FRMD3: variants seen among roughly 807,000 people sequenced by gnomAD.
FRMD3 encodes FERM domain containing 3, also known as FERM domain-containing protein 3.
FRMD3 carries 33 observed loss-of-function variants against 70.2 expected under a neutral mutation model. That is an observed-to-expected ratio of 0.47 (90% CI 0.36 to 0.63). FRMD3 has a LOEUF of 0.63. Ranked by LOEUF, FRMD3 falls within the 20% of genes least tolerant of loss-of-function variation. The pLI, the probability that FRMD3 is intolerant of heterozygous loss-of-function variation, is 0.00. For synonymous variants in FRMD3, 279 were observed against 255.9 expected (o/e 1.09, Z -0.86); for missense variants, 632 against 711.4 (o/e 0.89, Z 1.27).
chr9:83,515,003 G>C (rs575175938), intron 1 of FRMD3, among the ~76,000 whole-genome samples: 1 of 152,174 alleles, frequency 6.6e-6, no homozygotes, highest in Non-Finnish European at 1.5e-5. Context: ...CCATGAAGAA[G>C]AGGAAAAAAC....
chr9:83,338,182 G>C (rs990723573), intron 5 of FRMD3, among the ~76,000 whole-genome samples: 1 of 152,178 alleles, frequency 6.6e-6, no homozygotes, highest in African/African-American at 2.4e-5. Flanking sequence ...AATAATTAGA[G>C]ATATGCAAAC....
In FRMD3 at chr9:83,449,159, G is replaced by C. The variant is rs561038793; in HGVS notation, c.148-59451C>G. 5.9e-5 allele frequency among the ~76,000 whole-genome samples: 9 copies of C among 152,274 alleles called. No individual in the cohort carries two copies. The South Asian group carries it at 1.7e-3, about 28-fold the overall frequency. On this transcript the variant is annotated intron_variant, in intron 1 of 13. Transcript: ENST00000304195. ...TTAACAACAAAGGAAGGCAAGAGAG[G>C]ACCACCAAATCAAAATGATTGCCCC...
chr9:83,342,324 T>C (rs1823788219), intron 5 of FRMD3, among the ~76,000 whole-genome samples: 2 of 152,158 alleles, frequency 1.3e-5, no homozygotes, highest in African/African-American at 4.8e-5. Context: ...ACACATTAGC[T>C]ATTTCCCCTA....
chr9:83,349,552 C>T (rs1447987548), intron 4 of FRMD3, 127 bp downstream of exon 4: 14 of 599,498 alleles, frequency 2.3e-5, no homozygotes, highest in Admixed American at 1.5e-4. Flanking sequence ...CAAGCAAAAA[C>T]GCTGAATTCC....
the FRMD3 span, among the ~76,000 whole-genome samples, chr9:83,575,377 A>G: frequency 6.6e-6 from 1 of 152,096 alleles, no homozygotes; most frequent in Non-Finnish European, 1.5e-5. Flanking sequence ...TCTATTTTTC[A>G]GGCAACATGA....
intron 7 of FRMD3, among the ~76,000 whole-genome samples, chr9:83,313,254 CA>C (rs1258463447): frequency 6.6e-6 from 1 of 152,168 alleles, no homozygotes; most frequent in Non-Finnish European, 1.5e-5. Context: ...AAAATAAAAA[CA>C]AGTGTTCCTA....
intron 10 of FRMD3, among the ~76,000 whole-genome samples, chr9:83,307,020 G>T (rs1244677506): frequency 6.6e-6 from 1 of 152,098 alleles, no homozygotes; most frequent in Non-Finnish European, 1.5e-5. Flanking sequence ...TAAAAAAATA[G>T]AAATCAGATC....
At chr9:83,283,030 C>CA (rs533863285) in intron 13 of FRMD3, among the ~76,000 whole-genome samples, 3 of 150,598 alleles carry the variant, frequency 2.0e-5, no homozygotes, top group African/African-American at 4.9e-5. Flanking sequence ...AATACAAAAA[C>CA]AAAAAAAAGA....
intron 2 of FRMD3, among the ~76,000 whole-genome samples, chr9:83,387,219 A>G (rs1825537320): frequency 6.6e-6 from 1 of 152,180 alleles, no homozygotes; most frequent in Non-Finnish European, 1.5e-5. Flanking sequence ...TTCCTTCTAC[A>G]TTTATTAATT....
At chr9:83,297,641 G>A (rs1481058196) in intron 12 of FRMD3, 2 of 434,334 alleles carry the variant, frequency 4.6e-6, no homozygotes, top group Non-Finnish European at 9.5e-6. Flanking sequence ...TCTCATTGGT[G>A]GGCAGGCTGC....
At chr9:83,287,405 A>G (rs1015610602) in intron 13 of FRMD3, among the ~76,000 whole-genome samples, 5 of 152,220 alleles carry the variant, frequency 3.3e-5, no homozygotes, top group Admixed American at 3.3e-4. Flanking sequence ...TGCTCCAGCC[A>G]TATCTGCCTC....
chr9:83,267,649 A>G (rs1044902261), intron 13 of FRMD3, among the ~76,000 whole-genome samples: 1 of 152,260 alleles, frequency 6.6e-6, no homozygotes, highest in African/African-American at 2.4e-5. Context: ...TATTACAATT[A>G]ATTTTAATAA....
chr9:83,308,040 T>A (rs1587706157), intron 10 of FRMD3, among the ~76,000 whole-genome samples: 2 of 152,122 alleles, frequency 1.3e-5, no homozygotes, highest in South Asian at 2.1e-4. Flanking sequence ...CACAGGAAGG[T>A]CTACTGGTAC....
At chr9:83,249,677 G>A (rs1393673498) in intron 13 of FRMD3, among the ~76,000 whole-genome samples, 1 of 152,090 alleles carries the variant, frequency 6.6e-6, no homozygotes, top group African/African-American at 2.4e-5. Flanking sequence ...TATACAAAAG[G>A]TCAACAAGCA....
intron 1 of FRMD3, among the ~76,000 whole-genome samples, chr9:83,511,421 A>T (rs1829336778): frequency 6.6e-6 from 1 of 152,156 alleles, no homozygotes; most frequent in African/African-American, 2.4e-5. Flanking sequence ...TTTCCACTTA[A>T]GCCCTCCTGG....
chr9:83,255,194 G>A lies in FRMD3; in HGVS notation c.1196-6678C>T, dbSNP rs1238907548. Among the ~76,000 whole-genome samples, 5 of 152,070 alleles carry A rather than the reference G, an allele frequency of 3.3e-5. No individual in the cohort carries two copies. The East Asian group carries it at 9.6e-4, about 29-fold the overall frequency. On this transcript the variant is annotated intron_variant, in intron 13 of 13. Transcript: ENST00000304195. Reference sequence around the variant, plus strand: ...AGGCTTATCCACCACAGTCAAGTTGGTTTCATTCCCAGGATGCAAGGTTGG... The same window carrying A: ...AGGCTTATCCACCACAGTCAAGTTGATTTCATTCCCAGGATGCAAGGTTGG...
chr9:83,500,422 T>A (rs934323148), intron 1 of FRMD3, among the ~76,000 whole-genome samples: 7 of 152,064 alleles, frequency 4.6e-5, no homozygotes, highest in African/African-American at 1.4e-4. Flanking sequence ...TTAATTTTTT[T>A]AATCATCTTG....
At chr9:83,438,141 C>T (rs1198816635) in intron 1 of FRMD3, among the ~76,000 whole-genome samples, 1 of 152,054 alleles carries the variant, frequency 6.6e-6, no homozygotes, top group African/African-American at 2.4e-5. Flanking sequence ...AAGGAAATAC[C>T]TTATTGGATT....
In FRMD3 at chr9:83,323,796, A is replaced by G. The variant is rs184680974; in HGVS notation, c.597-10049T>C. Among the ~76,000 whole-genome samples, 993 of 152,366 alleles carry G rather than the reference A, an allele frequency of 6.5e-3. 8 individuals carry two copies. The highest frequency in any genetic ancestry group is 0.022 in the African/African-American group (921 of 41,584). ...TCTATTTCTATGGCTTTCAAAAATGAGCAAAGCAAAACTAATGTGTTAAAA... is the reference window on the plus strand; with the variant it reads ...TCTATTTCTATGGCTTTCAAAAATGGGCAAAGCAAAACTAATGTGTTAAAA... On this transcript the variant is annotated intron_variant, in intron 6 of 13. Coordinates refer to ENST00000304195, the MANE Select transcript of FRMD3 (RefSeq NM_174938.6).
Sources: gnomAD v4.1 joint callset for allele counts (sites outside exome capture counted in the v4.1 genomes callset) on GRCh38, gnomAD v4.1.1 for gene constraint, MANE v1.5 for transcripts, NCBI Gene and HGNC (gene_info 2026-07-23, HGNC 2026-07-21) for gene names.